UBR2: variants seen among roughly 807,000 people sequenced by gnomAD.
UBR2 encodes E3 ubiquitin-protein ligase UBR2.
UBR2 carries 92 observed loss-of-function variants against 247.9 expected under a neutral mutation model. The observed-to-expected ratio is 0.37, with a 90% CI of 0.31 to 0.44. The LOEUF (loss-of-function observed/expected upper bound fraction) is 0.44. Among genes scored for constraint, UBR2 ranks in the 20% least tolerant of loss-of-function variants. UBR2 has a pLI of 1.00. For missense variants in UBR2, 1,613 were observed against 2,112.6 expected (o/e 0.76, Z 4.64); for synonymous variants, 672 against 693.5 (o/e 0.97, Z 0.49).
chr6:42,587,260 A>G (rs1415512882), intron 2 of UBR2, among the ~76,000 whole-genome samples: 1 of 152,194 alleles, frequency 6.6e-6, no homozygotes, highest in African/African-American at 2.4e-5. Flanking sequence ...AGGGATCTTC[A>G]TTCTTTCCTG....
chr6:42,585,791 A>C (rs769126848), intron 2 of UBR2, among the ~76,000 whole-genome samples: 1 of 151,986 alleles, frequency 6.6e-6, no homozygotes, highest in Non-Finnish European at 1.5e-5. Flanking sequence ...GGTAATAGTA[A>C]TTTGTATTTT....
In UBR2 at chr6:42,617,418, C is replaced by A; in HGVS notation, c.1192C>A (p.Arg398Ser). 1 of 1,598,228 alleles carries A rather than the reference C, an allele frequency of 6.3e-7. No individual in the cohort carries two copies. Among genetic ancestry groups the A allele is most frequent in the Non-Finnish European group, 8.5e-7 (1 of 1,171,830 alleles). The change falls in exon 11 of 47, where the codon CGT becomes AGT. Residue 398 changes from arginine to serine, a missense_variant. Around this residue, in one of 3 missense-constraint regions of UBR2, gnomAD observed 1,524 missense variants for 1,967.3 expected, o/e 0.77. Coordinates refer to ENST00000372901, the MANE Select transcript of UBR2 (RefSeq NM_001363705.2). Reference protein sequence around the residue: ...FAVRFAKNYERLQSDYVTDDH... With the variant: ...FAVRFAKNYESLQSDYVTDDH... ...TTTGCCTTCTTAATAGAACTATGAG[C>A]GTTTGCAGAGTGATTATGTGACAGA...
intron 42 of UBR2, among the ~76,000 whole-genome samples, chr6:42,682,537 A>G (rs532186454): frequency 6.6e-6 from 1 of 152,000 alleles, no homozygotes; most frequent in South Asian, 2.1e-4. Context: ...CTCCTGCCTC[A>G]GCTTCCCAAG....
intron 5 of UBR2, among the ~76,000 whole-genome samples, chr6:42,605,384 G>A (rs1298873222): frequency 3.9e-5 from 6 of 152,312 alleles, no homozygotes; most frequent in East Asian, 1.9e-4. Flanking sequence ...ACTATGAGAG[G>A]TGGAGGGGAA....
rs1206751081 is a variant in UBR2 at position 42,659,563 on chromosome 6, T to TACAC, written c.3243-81_3243-78dup. Reference sequence around the variant, plus strand: ...CACACACACACACACACACACACACTACACACACACACACATACCTGTAGT... The same window carrying TACAC: ...CACACACACACACACACACACACACTACACACACACACACACACATACCTGTAGT... On this transcript the variant is annotated intron_variant, in intron 29 of 46. Transcript: ENST00000372901. The surrounding 1 kb of genome is among the most constrained non-coding windows in gnomAD (Gnocchi z 4.3). 1.7e-6 allele frequency: 1 copy of TACAC among 596,268 alleles called. No homozygotes were observed. Among genetic ancestry groups the TACAC allele is most frequent in the Non-Finnish European group, 2.7e-6 (1 of 366,496 alleles). 36.9% of individuals were successfully genotyped at this position (596,268 alleles called of 1,614,324 possible). A position where few individuals can be genotyped will look rare whatever the true frequency, so the allele number is the denominator to read the frequency against.
At position 42,605,820 on chromosome 6, in the gene UBR2, A is replaced by G; in HGVS notation, c.762A>G (p.Gln254=). 1.9e-6 allele frequency: 3 copies of G among 1,612,680 alleles called. No individual in the cohort carries two copies. The highest frequency in any genetic ancestry group is 2.5e-6 in the Non-Finnish European group (3 of 1,179,556). ...YTLQKAVNCT[Q]KEAIGFATTV... is the part of the protein sequence containing the mutation. ...TTCAGAAAGCTGTTAACTGTACACA[A>G]AAAGAAGCTATTGGTTTTGCAACTA... Residue 254 remains glutamine, a synonymous_variant, in exon 6 of 47, where the codon CAA becomes CAG. Coordinates refer to ENST00000372901, the MANE Select transcript of UBR2 (RefSeq NM_001363705.2).
rs78126394 is a variant in UBR2 at position 42,633,163 on chromosome 6, T to TTTGTTG, written c.1545+286_1545+291dup. Among the ~76,000 whole-genome samples, 615 of 149,722 alleles carry TTTGTTG rather than the reference T, an allele frequency of 4.1e-3. 9 individuals are homozygous for TTTGTTG. Among genetic ancestry groups the TTTGTTG allele is most frequent in the African/African-American group, 0.01 (423 of 40,606 alleles). On this transcript the variant is annotated intron_variant, in intron 13 of 46. Transcript: ENST00000372901. Reference sequence around the variant, plus strand: ...CAGGCACGGGCCCAGGCCCAGCTTCTTTGTTGTTGTTGTTGTTGTTGTTGT... The same window carrying TTTGTTG: ...CAGGCACGGGCCCAGGCCCAGCTTCTTTGTTGTTGTTGTTGTTGTTGTTGTTGTTGT...
intron 2 of UBR2, among the ~76,000 whole-genome samples, chr6:42,581,668 G>A (rs1261539428): frequency 1.3e-5 from 2 of 152,176 alleles, no homozygotes; most frequent in South Asian, 2.1e-4. Flanking sequence ...GTCCTTTTGT[G>A]CCTGGCTTCT....
chr6:42,581,220 C>T (rs988888916), intron 2 of UBR2, among the ~76,000 whole-genome samples: 1 of 149,432 alleles, frequency 6.7e-6, no homozygotes, highest in Non-Finnish European at 1.5e-5. Context: ...GACGGAGTCT[C>T]GCTCTGTCGC....
rs1272544305 is a variant in UBR2 at position 42,584,580 on chromosome 6, G to A, written c.339-7571G>A. On this transcript the variant is annotated intron_variant, in intron 2 of 46. Coordinates refer to ENST00000372901, the MANE Select transcript of UBR2 (RefSeq NM_001363705.2). ...GACTACCAAGATTAAGATTAGGATT[G>A]CATTGAATCTATAGATTAGTTTGGG... Among the ~76,000 whole-genome samples the A allele has an allele frequency of 2.0e-5, 3 of 152,070 alleles. No individual in the cohort carries two copies. In the East Asian group the frequency reaches 5.8e-4, roughly 29 times the overall value.
intron 21 of UBR2, among the ~76,000 whole-genome samples, chr6:42,646,184 A>G (rs529100653): frequency 1.1e-3 from 174 of 152,262 alleles, no homozygotes; most frequent in African/African-American, 3.7e-3. Context: ...CAGAAACTCA[A>G]CCCTTATAAT....
intron 11 of UBR2, chr6:42,620,481 G>GTTTT (rs796314344): frequency 9.0e-4 from 60 of 66,654 alleles, no homozygotes; most frequent in African/African-American, 2.1e-3. Context: ...ATTAAGTGTT[G>GTTTT]TTTTTTTTTT....
At position 42,659,836 on chromosome 6, in the gene UBR2, T is replaced by G. The variant is rs766021901; in HGVS notation, c.3423T>G (p.Ser1141Arg). The G allele has an allele frequency of 6.2e-7, 1 of 1,614,066 alleles. No individual in the cohort carries two copies. Among genetic ancestry groups the G allele is most frequent in the Non-Finnish European group, 8.5e-7 (1 of 1,179,992 alleles). ...QRSTVLSKNR[S>R]KFIQDPEKYD... ...CAACTGTATTATCAAAAAACAGAAG[T>G]AAATTTATTCAAGATCCAGGTAAGT... The change falls in exon 30 of 47, where the codon AGT becomes AGG. Residue 1141 changes from serine (S) to arginine (R), a missense_variant. By Grantham distance (110) the Ser-to-Arg change is moderately radical. Around this residue, in one of 3 missense-constraint regions of UBR2, gnomAD observed 1,524 missense variants for 1,967.3 expected, o/e 0.77. Transcript: ENST00000372901. This position sits in a 1 kb window ranked among gnomAD's most constrained non-coding sequence, Gnocchi z 4.3.
At chr6:42,574,655 T>C (rs1222710859) in intron 2 of UBR2, among the ~76,000 whole-genome samples, 1 of 151,918 alleles carries the variant, frequency 6.6e-6, no homozygotes, top group African/African-American at 2.4e-5. Flanking sequence ...CCAGAATTAA[T>C]CATTGTTAAC....
intron 4 of UBR2, among the ~76,000 whole-genome samples, chr6:42,599,617 TTTTG>T (rs1477693725): frequency 1.2e-5 from 1 of 85,020 alleles, no homozygotes; most frequent in Non-Finnish European, 2.4e-5. Context: ...TGGGGGTTTT[TTTTG>T]TTGTTGTTGT....
At chr6:42,632,069 A>AATATAT (rs1554254886) in intron 11 of UBR2, among the ~76,000 whole-genome samples, 14 of 114,080 alleles carry the variant, frequency 1.2e-4, no homozygotes, top group South Asian at 1.2e-3. Flanking sequence ...AAAAAAAAAA[A>AATATAT]ATATATATAT....
chr6:42,632,494 T>A, intron 11 of UBR2, 58 bp from the exon 12 acceptor site: 1 of 1,423,586 alleles, frequency 7.0e-7, no homozygotes. Context: ...ACTTTTTTTT[T>A]AGTCTTCCTA....
intron 30 of UBR2, 90 bp from the exon 31 acceptor site, chr6:42,662,094 T>A (rs1797846613): frequency 1.2e-6 from 1 of 808,006 alleles, no homozygotes; most frequent in African/African-American, 1.8e-5. Context: ...CAAGTCTTTA[T>A]CAAGGATTTT....
intron 2 of UBR2, 23 bp from the exon 3 acceptor site, chr6:42,592,128 A>ATTT: frequency 2.5e-6 from 3 of 1,188,760 alleles, no homozygotes; most frequent in Non-Finnish European, 3.5e-6. Context: ...TGACACTTTG[A>ATTT]TTTTTTTTTT....
Sources: allele counts gnomAD v4.1 joint callset (sites outside exome capture counted in the v4.1 genomes callset), GRCh38; gene constraint gnomAD v4.1.1; regional missense constraint gnomAD v4.1.1; non-coding constraint Gnocchi (gnomAD v3.1); transcripts MANE v1.5; gene names NCBI Gene and HGNC (gene_info 2026-07-23, HGNC 2026-07-21).